ACVR2B: variants seen among roughly 807,000 people sequenced by gnomAD.
The protein encoded by ACVR2B is activin receptor type-2B.
Under a neutral mutation model 65.1 loss-of-function variants are expected in ACVR2B, and 18 were observed. That is an observed-to-expected ratio of 0.28 (90% CI 0.19 to 0.41). ACVR2B has a LOEUF of 0.41. Ranked by LOEUF, ACVR2B falls within the 10% of genes least tolerant of loss-of-function variation. The pLI is 1.00. For missense variants in ACVR2B, 482 were observed against 682.7 expected, an observed-to-expected ratio of 0.71 and a Z score of 3.28; for synonymous variants, 298 against 277.7, an observed-to-expected ratio of 1.07 and a Z score of -0.73.
At position 38,482,410 on chromosome 3, in the gene ACVR2B, A is replaced by G. The variant is rs749439811; in HGVS notation, c.1214-20A>G. On this transcript the variant is annotated intron_variant, in intron 9 of 10. Transcript: ENST00000352511. Reference sequence around the variant, plus strand: ...AGTGGGACCTTAGAGTGATCCTGCCAGGCTCTCTCTTTCTCCTAGGACCCG... The same window carrying G: ...AGTGGGACCTTAGAGTGATCCTGCCGGGCTCTCTCTTTCTCCTAGGACCCG... 1.2e-5 allele frequency: 19 copies of G among 1,611,384 alleles called. No homozygotes were observed. In the Admixed American group the frequency reaches 3.0e-4, roughly 26 times the overall value.
At position 38,454,400 on chromosome 3, in the gene ACVR2B, C is replaced by T. The variant is rs899954341; in HGVS notation, c.52+26C>T. The T allele has an allele frequency of 2.4e-5, 30 of 1,245,888 alleles. No homozygotes were observed. In the African/African-American group the frequency reaches 4.2e-4, roughly 18 times the overall value. The allele number at this position is 1,245,888 out of a possible 1,614,324, so 77.2% of individuals were successfully genotyped here. On this transcript the variant is annotated intron_variant, in intron 1 of 10. Coordinates refer to ENST00000352511, the MANE Select transcript of ACVR2B (RefSeq NM_001106.4). ...GTAAGAACTGGGCGCGGCGCGGGGA[C>T]GCCGAGAGGGCGCGCGGGGCTGGCC...
intron 7 of ACVR2B, 45 bp downstream of exon 7, chr3:38,479,871 G>T: frequency 6.2e-7 from 1 of 1,605,958 alleles, no homozygotes; most frequent in Non-Finnish European, 8.5e-7. Flanking sequence ...ACCTGGAGCT[G>T]TGGGAAGGGT....
Position 38,490,750 on chromosome 3 carries a change from A to C in ACVR2B, c.*7418A>C, listed in dbSNP as rs1479292597. 6.6e-6 allele frequency: 1 copy of C among 152,586 alleles called. No individual in the cohort carries two copies. Among genetic ancestry groups the C allele is most frequent in the Non-Finnish European group, 1.5e-5 (1 of 68,056 alleles). 9.5% of individuals were successfully genotyped at this position (152,586 alleles called of 1,614,324 possible). A position where few individuals can be genotyped will look rare whatever the true frequency, so the allele number is the denominator to read the frequency against. On this transcript the variant is annotated 3_prime_UTR_variant, in exon 11 of 11. Transcript: ENST00000352511. ...GTCCTCTTGATACTGCAGACTTTTA[A>C]CGTACACATGCAGGAACCCTGCTGA...
Position 38,468,200 on chromosome 3 carries a change from ATAAG to A in ACVR2B, c.53-9082_53-9079del, listed in dbSNP as rs1383629292. 4.6e-5 allele frequency among the ~76,000 whole-genome samples: 7 copies of A among 152,182 alleles called. No individual in the cohort carries two copies. In the East Asian group the frequency reaches 1.2e-3, roughly 25 times the overall value. ...GGCCTGATGTAAGAATTCTTAATAA[ATAAG>A]TAAGGATGGACCTGAATACTTACTA... is the stretch of plus-strand genomic sequence containing the variant. On this transcript the variant is annotated intron_variant, in intron 1 of 10. Transcript: ENST00000352511.
intron 1 of ACVR2B, among the ~76,000 whole-genome samples, chr3:38,466,735 C>T (rs997091590): frequency 6.6e-6 from 1 of 152,086 alleles, no homozygotes; most frequent in African/African-American, 2.4e-5. Context: ...GAACTCCTGA[C>T]CTCGTGATCC....
At chr3:38,456,021 C>G (rs1054420943) in intron 1 of ACVR2B, among the ~76,000 whole-genome samples, 3 of 152,140 alleles carry the variant, frequency 2.0e-5, no homozygotes, top group Non-Finnish European at 4.4e-5. Context: ...GGGATCACAC[C>G]AGTCTCACAC....
rs1339221512 is a variant in ACVR2B, at chr3:38,490,257, C to T, written c.*6925C>T. 1.3e-5 allele frequency: 2 copies of T among 152,272 alleles called. No individual in the cohort carries two copies. Among genetic ancestry groups the T allele is most frequent in the Non-Finnish European group, 2.9e-5 (2 of 68,044 alleles). 9.4% of individuals were successfully genotyped at this position (152,272 alleles called of 1,614,324 possible). A position where few individuals can be genotyped will look rare whatever the true frequency, so the allele number is the denominator to read the frequency against. Reference sequence around the variant, plus strand: ...GAGGCCCAGCTGAAGACCTGTCCCCCAGACCCTGCCCGCTGGCTTCAGGCT... The same window carrying T: ...GAGGCCCAGCTGAAGACCTGTCCCCTAGACCCTGCCCGCTGGCTTCAGGCT... On this transcript the variant is annotated 3_prime_UTR_variant, in exon 11 of 11. Transcript: ENST00000352511.
In ACVR2B at chr3:38,493,010, A is replaced by G. The variant is rs1300594664; in HGVS notation, c.*9678A>G. On this transcript the variant is annotated 3_prime_UTR_variant, in exon 11 of 11. Coordinates refer to ENST00000352511, the MANE Select transcript of ACVR2B (RefSeq NM_001106.4). ...TGCTTGAACTCTGCACTGGGTCCTC[A>G]AATAAACCGATGTGAATGTAGTTTT... 1 of 150,474 alleles carries G rather than the reference A, an allele frequency of 6.6e-6. No individual in the cohort carries two copies. Among genetic ancestry groups the G allele is most frequent in the East Asian group, 1.9e-4 (1 of 5,202 alleles). The allele number at this position is 150,474 out of a possible 1,614,324, so 9.3% of individuals were successfully genotyped here.
intron 1 of ACVR2B, among the ~76,000 whole-genome samples, chr3:38,468,692 T>A (rs1394431665): frequency 6.6e-6 from 1 of 152,208 alleles, no homozygotes; most frequent in Non-Finnish European, 1.5e-5. Context: ...GAAGTCACAT[T>A]GCTTTTCTAC....
chr3:38,483,019 G>T lies in ACVR2B; in HGVS notation c.1345-119G>T, dbSNP rs568663120. 1.6e-5 allele frequency: 19 copies of T among 1,155,772 alleles called. No individual in the cohort carries two copies. The highest frequency in any genetic ancestry group is 2.2e-5 in the Non-Finnish European group (17 of 768,746). 71.6% of individuals were successfully genotyped at this position (1,155,772 alleles called of 1,614,324 possible). A position where few individuals can be genotyped will look rare whatever the true frequency, so the allele number is the denominator to read the frequency against. On this transcript the variant is annotated intron_variant, in intron 10 of 10. Coordinates refer to ENST00000352511, the MANE Select transcript of ACVR2B (RefSeq NM_001106.4). The surrounding 1 kb of genome is among the most constrained non-coding windows in gnomAD (Gnocchi z 4.8). ...CTCTGCTGGTGGACCTGCTGCTGTG[G>T]TTGGGGCTGGTGGGCTCTGCCTGAT...
At chr3:38,463,376 G>GT (rs923371873) in intron 1 of ACVR2B, among the ~76,000 whole-genome samples, 2 of 152,236 alleles carry the variant, frequency 1.3e-5, no homozygotes, top group African/African-American at 4.8e-5. Flanking sequence ...TGATAATGAC[G>GT]TTGGGGGTAT....
chr3:38,472,617 G>A (rs1709836873), intron 1 of ACVR2B, among the ~76,000 whole-genome samples: 1 of 152,176 alleles, frequency 6.6e-6, no homozygotes, highest in South Asian at 2.1e-4. Flanking sequence ...CCCTGGGGTA[G>A]GTGGCTGCCA....
chr3:38,458,754 C>T (rs181102520), intron 1 of ACVR2B, among the ~76,000 whole-genome samples: 1 of 152,126 alleles, frequency 6.6e-6, no homozygotes, highest in South Asian at 2.1e-4. Flanking sequence ...AGGACTGGGT[C>T]TGGATAATAT....
At position 38,477,770 on chromosome 3, in the gene ACVR2B, G is replaced by A. The variant is rs541409621; in HGVS notation, c.261-91G>A. ...GTCCCCCTGGTGTTGCCCATGAGGT[G>A]CTCTGTCTGTGAGGAGGGGTTGGCA... On this transcript the variant is annotated intron_variant, in intron 2 of 10. Coordinates refer to ENST00000352511, the MANE Select transcript of ACVR2B (RefSeq NM_001106.4). This position sits in a 1 kb window ranked among gnomAD's most constrained non-coding sequence, Gnocchi z 6.7. 14 of 1,329,772 alleles carry A rather than the reference G, an allele frequency of 1.1e-5. No individual in the cohort carries two copies. The East Asian group carries it at 3.2e-4, about 31-fold the overall frequency. 82.4% of individuals were successfully genotyped at this position (1,329,772 alleles called of 1,614,324 possible).
Position 38,478,431 on chromosome 3 carries a change from G to A in ACVR2B, c.579G>A (p.Leu193=), listed in dbSNP as rs778263917. The A allele has an allele frequency of 2.5e-6, 4 of 1,614,138 alleles. No homozygotes were observed. The East Asian group carries it at 8.9e-5, about 36-fold the overall frequency. ...TGGGCCTGAAGCCACTGCAGCTGCT[G>A]GAGATCAAGGCTCGGGGGCGCTTTG... is the stretch of plus-strand genomic sequence containing the variant. ...PLVGLKPLQL[L]EIKARGRFGC... is the part of the protein sequence containing the mutation. Residue 193 remains leucine (L), a synonymous_variant, in exon 5 of 11, where the codon CTG becomes CTA. Coordinates refer to ENST00000352511, the MANE Select transcript of ACVR2B (RefSeq NM_001106.4).
chr3:38,456,408 A>T (rs1709551543), intron 1 of ACVR2B, among the ~76,000 whole-genome samples: 3 of 152,254 alleles, frequency 2.0e-5, no homozygotes. Flanking sequence ...TAGAAGGAAC[A>T]TCTAGAAGAG....
At position 38,484,929 on chromosome 3, in the gene ACVR2B, C is replaced by A. The variant is rs1218225801; in HGVS notation, c.*1597C>A. 6.6e-6 allele frequency: 1 copy of A among 152,602 alleles called. No individual in the cohort carries two copies. Among genetic ancestry groups the A allele is most frequent in the East Asian group, 1.9e-4 (1 of 5,202 alleles). The allele number at this position is 152,602 out of a possible 1,614,324, so 9.5% of individuals were successfully genotyped here. On this transcript the variant is annotated 3_prime_UTR_variant, in exon 11 of 11. Coordinates refer to ENST00000352511, the MANE Select transcript of ACVR2B (RefSeq NM_001106.4). Reference sequence around the variant, plus strand: ...TAGAGAAAAAGAAAAAAGTTTGCATCTTCTAGGGAGTGCTACCATTTTTGT... The same window carrying A: ...TAGAGAAAAAGAAAAAAGTTTGCATATTCTAGGGAGTGCTACCATTTTTGT...
At chr3:38,464,095 A>G (rs1044423996) in intron 1 of ACVR2B, among the ~76,000 whole-genome samples, 1 of 152,260 alleles carries the variant, frequency 6.6e-6, no homozygotes, top group East Asian at 1.9e-4. Flanking sequence ...GCACCAACCC[A>G]ATAGTCACAT....
At chr3:38,478,574 G>T in intron 5 of ACVR2B, 56 bp downstream of exon 5, 1 of 1,612,380 alleles carries the variant, frequency 6.2e-7, no homozygotes, top group Non-Finnish European at 8.5e-7. Flanking sequence ...GCTTGAACTG[G>T]AGGCTCTCCT....
Sources: gnomAD v4.1 joint callset for allele counts (sites outside exome capture counted in the v4.1 genomes callset) on GRCh38, gnomAD v4.1.1 for gene constraint, Gnocchi (gnomAD v3.1) non-coding constraint, MANE v1.5 for transcripts, NCBI Gene and HGNC (gene_info 2026-07-23, HGNC 2026-07-21) for gene names.